BEAN1: variants seen among roughly 807,000 people sequenced by gnomAD.
BEAN1 encodes protein BEAN1.
BEAN1 carries 17 observed loss-of-function variants against 17.7 expected under a neutral mutation model. The ratio of observed to expected loss-of-function variants is 0.96; its 90% confidence interval spans 0.66 to 1.44. The LOEUF is 1.44. BEAN1 is among the 40% of genes most tolerant of loss of function. The probability of loss-of-function intolerance (pLI) is 0.00; values close to 1 mark genes in which losing one functional copy is unlikely to be tolerated. For missense variants in BEAN1, 359 were observed against 374.1 expected (o/e 0.96, Z 0.33); for synonymous variants, 142 against 151.8 (o/e 0.94, Z 0.47).
At chr16:66,477,753 C>T (rs758423611) in intron 4 of BEAN1, 43 bp downstream of exon 4, 40 of 1,479,082 alleles carry the variant, frequency 2.7e-5, no homozygotes, top group Middle Eastern at 3.6e-4. Context: ...AGGATGGGGC[C>T]CTGGACACAA....
intron 1 of BEAN1, among the ~76,000 whole-genome samples, chr16:66,433,029 A>C (rs1253899656): frequency 1.3e-5 from 2 of 152,220 alleles, no homozygotes; most frequent in Non-Finnish European, 2.9e-5. Context: ...AGGGACTGTC[A>C]AAGTGTGGCT....
intron 2 of BEAN1, among the ~76,000 whole-genome samples, chr16:66,451,919 G>C (rs917425576): frequency 8.5e-5 from 13 of 152,238 alleles, no homozygotes; most frequent in African/African-American, 3.1e-4. Context: ...AGACCCTAGA[G>C]CTGCTTACCT....
At chr16:66,489,282 C>A (rs1361803775) in intron 4 of BEAN1, among the ~76,000 whole-genome samples, 1 of 152,192 alleles carries the variant, frequency 6.6e-6, no homozygotes, top group Non-Finnish European at 1.5e-5. Context: ...ACTTGGGTTC[C>A]AATCCCAGCT....
chr16:66,449,941 C>T (rs1962608456), intron 2 of BEAN1, among the ~76,000 whole-genome samples: 1 of 152,172 alleles, frequency 6.6e-6, no homozygotes, highest in South Asian at 2.1e-4. Flanking sequence ...AATTCCCAGA[C>T]ATTATGTAAT....
At chr16:66,428,889 G>A in intron 1 of BEAN1, among the ~76,000 whole-genome samples, 1 of 152,148 alleles carries the variant, frequency 6.6e-6, no homozygotes, top group East Asian at 1.9e-4. Flanking sequence ...CCCTTTCTCA[G>A]ACGCTCCCTC....
chr16:66,471,937 A>T lies in BEAN1; in HGVS notation c.289+2072A>T, dbSNP rs1963498416. Among the ~76,000 whole-genome samples, 1 of 152,166 alleles carries T rather than the reference A, an allele frequency of 6.6e-6. No individual in the cohort carries two copies. Among genetic ancestry groups the T allele is most frequent in the South Asian group, 2.1e-4 (1 of 4,832 alleles). On this transcript the variant is annotated intron_variant, in intron 3 of 4. Coordinates refer to ENST00000536005, the MANE Select transcript of BEAN1 (RefSeq NM_001178020.3). This position sits in a 1 kb window ranked among gnomAD's most constrained non-coding sequence, Gnocchi z 4.7. ...AGAAACCCAGGTCCCCAAGCCCTGG[A>T]GGATGCCGGGTAGACCCAGGATGGT... is the stretch of plus-strand genomic sequence containing the variant.
intron 2 of BEAN1, among the ~76,000 whole-genome samples, chr16:66,457,730 A>G (rs144093876): frequency 6.6e-5 from 10 of 151,900 alleles, no homozygotes; most frequent in Non-Finnish European, 1.0e-4. Flanking sequence ...ACATCCCTCT[A>G]TCAGTCTCCT....
chr16:66,492,623 G>A (rs1314560080), intron 4 of BEAN1, among the ~76,000 whole-genome samples: 1 of 150,844 alleles, frequency 6.6e-6, no homozygotes, highest in Non-Finnish European at 1.5e-5. Context: ...TGTATTTTTA[G>A]TAGAGAGGGG....
chr16:66,450,864 A>G (rs1030068488), intron 2 of BEAN1: 8 of 152,262 alleles, frequency 5.3e-5, no homozygotes, highest in African/African-American at 1.7e-4. Context: ...TCATCATTAA[A>G]AGACAGTCTA....
rs541490302 is a variant in BEAN1, at chr16:66,427,762, A to G, written c.-83+331A>G. ...TGACTCGAGTCCCCGACGAGCATCA[A>G]CCGCATTTGGGGAACCCAAGACAGC... On this transcript the variant is annotated intron_variant, in intron 1 of 4. Coordinates refer to ENST00000536005, the MANE Select transcript of BEAN1 (RefSeq NM_001178020.3). The surrounding 1 kb of genome is among the most constrained non-coding windows in gnomAD (Gnocchi z 4.7). The G allele has an allele frequency of 2.6e-5, 4 of 152,144 alleles. No homozygotes were observed. The highest frequency in any genetic ancestry group is 2.1e-4 in the South Asian group (1 of 4,822). The allele number at this position is 152,144 out of a possible 1,614,324, so 9.4% of individuals were successfully genotyped here.
chr16:66,485,414 G>A (rs1208170284), downstream of BEAN1: 5 of 334,048 alleles, frequency 1.5e-5, no homozygotes, highest in Non-Finnish European at 2.4e-5. Flanking sequence ...CCACCTGCAT[G>A]TCCAGGCTCT....
chr16:66,436,443 A>AT (rs71145925), intron 1 of BEAN1, among the ~76,000 whole-genome samples: 16,498 of 121,352 alleles, frequency 0.14, 980 homozygotes, highest in Middle Eastern at 0.29. Context: ...AATTTTTTGT[A>AT]TTTTTTTTTT....
chr16:66,457,269 T>C (rs1239166659), intron 2 of BEAN1, among the ~76,000 whole-genome samples: 1 of 152,080 alleles, frequency 6.6e-6, no homozygotes, highest in African/African-American at 2.4e-5. Flanking sequence ...AAGTGAACGA[T>C]TGAGTGGATG....
At chr16:66,491,030 C>A (rs1049622264) in intron 4 of BEAN1, among the ~76,000 whole-genome samples, 10 of 152,210 alleles carry the variant, frequency 6.6e-5, no homozygotes, top group Non-Finnish European at 1.0e-4. Context: ...TCCAGCCCCC[C>A]CGAAGCCACC....
chr16:66,437,731 C>G, intron 2 of BEAN1, 30 bp downstream of exon 2: 2 of 1,529,766 alleles, frequency 1.3e-6, no homozygotes, highest in Non-Finnish European at 1.8e-6. Flanking sequence ...CCTTCCACCA[C>G]TTGGGGCCAG....
In BEAN1 at chr16:66,464,301, T is replaced by C. The variant is rs1252157618; in HGVS notation, c.26-5301T>C. 2.0e-5 allele frequency among the ~76,000 whole-genome samples: 3 copies of C among 152,340 alleles called. No homozygotes were observed. The East Asian group carries it at 5.8e-4, about 29-fold the overall frequency. On this transcript the variant is annotated intron_variant, in intron 2 of 4. Transcript: ENST00000536005. ...TCTATTTATTTGGATCTTTAATTTCTTTTGAAAATGTTTTGGAGTTTTCAG... is the reference window on the plus strand; with the variant it reads ...TCTATTTATTTGGATCTTTAATTTCCTTTGAAAATGTTTTGGAGTTTTCAG...
intron 4 of BEAN1, among the ~76,000 whole-genome samples, chr16:66,490,454 T>TAG (rs1555522952): frequency 2.2e-5 from 1 of 45,130 alleles, no homozygotes; most frequent in Non-Finnish European, 5.7e-5. Flanking sequence ...TAAAATAAAA[T>TAG]AATAAAATAA....
In BEAN1 at chr16:66,488,356, GAACCT is replaced by G. The variant is rs938688450; in HGVS notation, c.148-4605_148-4601del. Among the ~76,000 whole-genome samples, 50 of 151,978 alleles carry G rather than the reference GAACCT, an allele frequency of 3.3e-4. 1 individual carries two copies. The highest frequency in any genetic ancestry group is 1.2e-3 in the African/African-American group (49 of 41,344). On this transcript the variant is annotated intron_variant, in intron 4 of 4. Transcript: ENST00000561796. ...GGTCGAAGAATGAGAGAAAAAGAGA[GAACCT>G]TGGCCTGGTGACTATACTCTTCAAC...
chr16:66,455,494 G>A (rs1385740344), intron 2 of BEAN1, among the ~76,000 whole-genome samples: 1 of 152,068 alleles, frequency 6.6e-6, no homozygotes, highest in Non-Finnish European at 1.5e-5. Context: ...GAGCTTCCTG[G>A]AGGCCAAAGC....
Sources: gnomAD v4.1 joint callset for allele counts (sites outside exome capture counted in the v4.1 genomes callset) on GRCh38, gnomAD v4.1.1 for gene constraint, Gnocchi (gnomAD v3.1) non-coding constraint, MANE v1.5 for transcripts, NCBI Gene and HGNC (gene_info 2026-07-23, HGNC 2026-07-21) for gene names.